The following KAT6B variants were observed in gnomAD, a reference collection of about 807,000 sequenced individuals.
KAT6B encodes histone acetyltransferase KAT6B.
In KAT6B, 10 loss-of-function variants were observed where a neutral mutation model predicts 187.5. The observed-to-expected ratio is 0.05, with a 90% CI of 0.03 to 0.09. The LOEUF (loss-of-function observed/expected upper bound fraction) is 0.09. KAT6B is among the 10% of genes least tolerant of loss of function. KAT6B has a pLI of 1.00. For synonymous variants in KAT6B, 861 were observed against 926.8 expected, an observed-to-expected ratio of 0.93 and a Z score of 1.29; for missense variants, 1,952 against 2,558.9, an observed-to-expected ratio of 0.76 and a Z score of 5.12.
chr10:74,973,511 C>G (rs1003052732), intron 7 of KAT6B, among the ~76,000 whole-genome samples: 2 of 152,166 alleles, frequency 1.3e-5, no homozygotes, highest in African/African-American at 4.8e-5. Context: ...AGAATACATG[C>G]TCTGCACACA....
At chr10:74,838,065 A>G (rs1389393546) in intron 1 of KAT6B, among the ~76,000 whole-genome samples, 2 of 152,148 alleles carry the variant, frequency 1.3e-5, no homozygotes, top group Non-Finnish European at 2.9e-5. Flanking sequence ...AGTTATTCAC[A>G]ATTGTTCTTT....
chr10:74,882,494 A>G lies in KAT6B; in HGVS notation c.621+39016A>G, dbSNP rs181440275. On this transcript the variant is annotated intron_variant, in intron 3 of 17. Coordinates refer to ENST00000287239, the MANE Select transcript of KAT6B (RefSeq NM_012330.4). ...TAAAGGTATTATTGTGTATGAGACT[A>G]ATGCTGTGCATCTATAATAAGTTGT... 2.5e-3 allele frequency among the ~76,000 whole-genome samples: 380 copies of G among 152,346 alleles called. 1 individual carries two copies. The highest frequency in any genetic ancestry group is 8.7e-3 in the African/African-American group (361 of 41,582).
intron 3 of KAT6B, among the ~76,000 whole-genome samples, chr10:74,855,744 G>A (rs1842775485): frequency 6.6e-6 from 1 of 152,166 alleles, no homozygotes; most frequent in East Asian, 1.9e-4. Context: ...TAAAATTAGA[G>A]TATTTCATAA....
chr10:75,031,161 G>A lies in KAT6B; in HGVS notation c.*115G>A. 1 of 1,149,362 alleles carries A rather than the reference G, an allele frequency of 8.7e-7. No individual in the cohort carries two copies. Among genetic ancestry groups the A allele is most frequent in the South Asian group, 1.4e-5 (1 of 72,618 alleles). The allele number at this position is 1,149,362 out of a possible 1,614,324, so 71.2% of individuals were successfully genotyped here. On this transcript the variant is annotated 3_prime_UTR_variant, in exon 18 of 18. Coordinates refer to ENST00000287239, the MANE Select transcript of KAT6B (RefSeq NM_012330.4). ...AATTGGTGTGAATGCAAAAACATTT[G>A]TTGGCACCATTTATTTAAAAAAAAA...
intron 6 of KAT6B, among the ~76,000 whole-genome samples, chr10:74,971,693 T>A (rs937940875): frequency 3.9e-5 from 6 of 152,170 alleles, no homozygotes; most frequent in Non-Finnish European, 7.4e-5. Context: ...TATTCATGAA[T>A]CTTTTTATTT....
At chr10:74,960,135 G>T (rs1036815813) in intron 4 of KAT6B, 57 bp downstream of exon 4, 4 of 1,058,968 alleles carry the variant, frequency 3.8e-6, no homozygotes, top group African/African-American at 3.1e-5. Flanking sequence ...ATAGCTTCAT[G>T]CTATTTGTCT....
intron 12 of KAT6B, 105 bp from the exon 13 acceptor site, chr10:74,988,914 A>G (rs777129478): frequency 1.2e-6 from 1 of 811,360 alleles, no homozygotes; most frequent in South Asian, 1.3e-5. Flanking sequence ...GACCTAACCC[A>G]TTGGCTTTCT....
chr10:74,933,568 TC>T (rs1429493748), intron 3 of KAT6B, among the ~76,000 whole-genome samples: 3 of 152,158 alleles, frequency 2.0e-5, no homozygotes, highest in Non-Finnish European at 4.4e-5. Flanking sequence ...AAAGTTGTTT[TC>T]CCCCAATAAG....
chr10:74,830,391 G>A (rs1840661819), intron 1 of KAT6B, among the ~76,000 whole-genome samples: 1 of 151,926 alleles, frequency 6.6e-6, no homozygotes, highest in Non-Finnish European at 1.5e-5. Flanking sequence ...TTTCTCTAAG[G>A]TATACACCTA....
intron 3 of KAT6B, among the ~76,000 whole-genome samples, chr10:74,957,032 A>G (rs1358167880): frequency 1.3e-5 from 2 of 152,240 alleles, no homozygotes; most frequent in Non-Finnish European, 2.9e-5. Flanking sequence ...AGATTTGTAT[A>G]GAATCAAATT....
At chr10:74,884,703 G>A (rs1845106952) in intron 3 of KAT6B, among the ~76,000 whole-genome samples, 1 of 152,064 alleles carries the variant, frequency 6.6e-6, no homozygotes, top group Non-Finnish European at 1.5e-5. Context: ...CAGGTAGCTG[G>A]GATTACAGGT....
At chr10:74,829,456 GTT>G (rs370039190) in intron 1 of KAT6B, among the ~76,000 whole-genome samples, 11 of 140,030 alleles carry the variant, frequency 7.9e-5, no homozygotes, top group Admixed American at 1.4e-4. Flanking sequence ...AAAGGAAATA[GTT>G]TTTTTTTTTT....
chr10:75,016,314 G>A (rs777611649), intron 13 of KAT6B, among the ~76,000 whole-genome samples: 2 of 152,160 alleles, frequency 1.3e-5, no homozygotes, highest in African/African-American at 4.8e-5. Context: ...AGGCACACTC[G>A]GGTTCCATGC....
At chr10:74,875,183 A>G (rs886477987) in intron 3 of KAT6B, among the ~76,000 whole-genome samples, 2 of 152,254 alleles carry the variant, frequency 1.3e-5, no homozygotes, top group Admixed American at 6.5e-5. Flanking sequence ...TTAGCTAATA[A>G]ACACAGAGTG....
chr10:74,945,323 T>C (rs551890121), intron 3 of KAT6B, among the ~76,000 whole-genome samples: 9 of 152,206 alleles, frequency 5.9e-5, no homozygotes, highest in Non-Finnish European at 1.2e-4. Flanking sequence ...GAAACTAATC[T>C]GTCGTGACAG....
chr10:74,960,119 A>AT (rs774181472), intron 4 of KAT6B, 41 bp downstream of exon 4: 11 of 1,182,816 alleles, frequency 9.3e-6, no homozygotes, highest in African/African-American at 1.5e-5. Context: ...ATGACTTCCC[A>AT]TTATCATAGC....
rs1208524962 is a variant in KAT6B at position 75,032,172 on chromosome 10, G to T, written c.*1126G>T. The T allele has an allele frequency of 2.1e-5, 4 of 194,694 alleles. No individual in the cohort carries two copies. The highest frequency in any genetic ancestry group is 7.0e-5 in the African/African-American group (3 of 43,022). 12.1% of individuals were successfully genotyped at this position (194,694 alleles called of 1,614,324 possible). A position where few individuals can be genotyped will look rare whatever the true frequency, so the allele number is the denominator to read the frequency against. On this transcript the variant is annotated 3_prime_UTR_variant, in exon 18 of 18. Transcript: ENST00000287239. ...GAGGCGTAATCCTTGTATAAAATAG[G>T]ATCCAGCGACACTCTTGTATTTATC...
At chr10:74,994,286 T>G (rs1843285199) in intron 13 of KAT6B, among the ~76,000 whole-genome samples, 1 of 152,234 alleles carries the variant, frequency 6.6e-6, no homozygotes, top group African/African-American at 2.4e-5. Context: ...TCCCCAAACA[T>G]CAAATTGTCC....
chr10:75,027,613 A>G (rs1317930942), intron 17 of KAT6B, among the ~76,000 whole-genome samples: 1 of 151,778 alleles, frequency 6.6e-6, no homozygotes, highest in Non-Finnish European at 1.5e-5. Flanking sequence ...GTATATAGCT[A>G]TTCATCTGCT....
Sources: gnomAD v4.1 joint callset for allele counts (sites outside exome capture counted in the v4.1 genomes callset) on GRCh38, gnomAD v4.1.1 for gene constraint, MANE v1.5 for transcripts, NCBI Gene and HGNC (gene_info 2026-07-23, HGNC 2026-07-21) for gene names.